CCDC51: variants seen among roughly 807,000 people sequenced by gnomAD.
The protein encoded by CCDC51 is mitochondrial potassium channel.
A neutral mutation model predicts 24.8 loss-of-function variants in CCDC51; 25 were observed. The observed-to-expected ratio is 1.01, with a 90% CI of 0.73 to 1.41. The LOEUF (loss-of-function observed/expected upper bound fraction) is 1.41, where lower values mean the gene tolerates loss of function less well. Among genes scored for constraint, CCDC51 ranks in the 40% most tolerant of loss-of-function variants. The pLI is 0.00. For synonymous variants in CCDC51, 190 were observed against 204.3 expected (o/e 0.93, Z 0.60); for missense variants, 466 against 519.1 (o/e 0.90, Z 0.99).
In CCDC51 at chr3:48,433,931, T is replaced by G; in HGVS notation, c.313-60A>C. The G allele has an allele frequency of 3.2e-6, 5 of 1,570,322 alleles. No individual in the cohort carries two copies. The highest frequency in any genetic ancestry group is 4.3e-6 in the Non-Finnish European group (5 of 1,157,400). ...CTCTCCACACCCACACAGGCTCAGC[T>G]GCATTCCCAGCAAGGCATTCCCAGA... On this transcript the variant is annotated intron_variant, in intron 2 of 3. Transcript: ENST00000395694. This position sits in a 1 kb window ranked among gnomAD's most constrained non-coding sequence, Gnocchi z 4.4.
At chr3:48,443,831 C>T (rs757520801), upstream of CCDC51, 1 of 1,557,888 alleles carries the variant, frequency 6.4e-7, no homozygotes, top group South Asian at 1.2e-5. Context: ...CTAATTGTGA[C>T]TATTTTTCTT....
chr3:48,440,866 C>T, upstream of CCDC51: 1 of 582,766 alleles, frequency 1.7e-6, no homozygotes, highest in Non-Finnish European at 3.1e-6. Context: ...GGAAGAGCTG[C>T]AGAAACGGAA....
upstream of CCDC51, among the ~76,000 whole-genome samples, chr3:48,441,585 T>A (rs1383211687): frequency 6.6e-6 from 1 of 152,138 alleles, no homozygotes; most frequent in Non-Finnish European, 1.5e-5. Context: ...AAAGATAAAG[T>A]CCAGGCTCTT....
chr3:48,446,224 A>T, the CCDC51 span: 1 of 152,288 alleles, frequency 6.6e-6, no homozygotes, highest in African/African-American at 2.4e-5. Flanking sequence ...TCCAAACATC[A>T]TTCCTCCTTG....
At chr3:48,436,907 A>T (rs1185591579) in intron 1 of CCDC51, among the ~76,000 whole-genome samples, 1 of 152,108 alleles carries the variant, frequency 6.6e-6, no homozygotes, top group Non-Finnish European at 1.5e-5. Context: ...ATGGCAGCCC[A>T]AGGCCCTGTA....
rs2039252252 is a variant in CCDC51 at position 48,433,484 on chromosome 3, C to T, written c.477+223G>A. Among the ~76,000 whole-genome samples the T allele has an allele frequency of 6.6e-6, 1 of 152,188 alleles. No homozygotes were observed. Among genetic ancestry groups the T allele is most frequent in the South Asian group, 2.1e-4 (1 of 4,838 alleles). On this transcript the variant is annotated intron_variant, in intron 3 of 3. Transcript: ENST00000395694. This position sits in a 1 kb window ranked among gnomAD's most constrained non-coding sequence, Gnocchi z 4.4. ...GTTCTCCTTCCTCAGCATTCTGAGT[C>T]CCAGGCTACGCTGCCCTGAAGAGTT...
At chr3:48,439,735 T>A (rs946949962) in intron 1 of CCDC51, among the ~76,000 whole-genome samples, 5 of 152,236 alleles carry the variant, frequency 3.3e-5, no homozygotes, top group Non-Finnish European at 7.3e-5. Flanking sequence ...CAGAGTTGTA[T>A]GGCCATCACC....
chr3:48,434,699 C>T (rs907490507), intron 2 of CCDC51, 118 bp downstream of exon 2: 1 of 930,078 alleles, frequency 1.1e-6, no homozygotes, highest in Non-Finnish European at 1.6e-6. Flanking sequence ...GCCCAGGTTT[C>T]CACGTGAGAA....
At chr3:48,443,481 C>T (rs2039612428), upstream of CCDC51, among the ~76,000 whole-genome samples, 1 of 151,354 alleles carries the variant, frequency 6.6e-6, no homozygotes, top group Non-Finnish European at 1.5e-5. Context: ...TTGCAGTGAG[C>T]TGAGATCGTG....
chr3:48,443,113 G>A (rs1404832330), upstream of CCDC51, among the ~76,000 whole-genome samples: 1 of 151,540 alleles, frequency 6.6e-6, no homozygotes, highest in East Asian at 1.9e-4. Flanking sequence ...GGTGGCATGC[G>A]CCTTTAGTCC....
rs149306159 is a variant in CCDC51 at position 48,433,943 on chromosome 3, A to G, written c.313-72T>C. ...ACACAGGCTCAGCTGCATTCCCAGC[A>G]AGGCATTCCCAGAAGAGGTCACTGG... On this transcript the variant is annotated intron_variant, in intron 2 of 3. Transcript: ENST00000395694. The surrounding 1 kb of genome is among the most constrained non-coding windows in gnomAD (Gnocchi z 4.4). The G allele has an allele frequency of 0.98, 1,516,775 of 1,548,824 alleles. 742,778 individuals are homozygous for G. Among genetic ancestry groups the G allele is most frequent in the East Asian group, 1 (44,095 of 44,098 alleles).
chr3:48,434,046 C>T, intron 2 of CCDC51, 175 bp from the exon 3 acceptor site: 1 of 1,357,364 alleles, frequency 7.4e-7, no homozygotes, highest in African/African-American at 1.5e-5. Flanking sequence ...AAAGTGCAGC[C>T]TTGGGCCACA....
chr3:48,439,943 G>C (rs2039506103), intron 1 of CCDC51, 45 bp downstream of exon 1: 11 of 372,462 alleles, frequency 3.0e-5, no homozygotes, highest in Admixed American at 1.7e-4. Flanking sequence ...CCAGGAAAGC[G>C]ACGAGCTTGA....
At chr3:48,440,247 C>G, upstream of CCDC51, 1 of 1,568,340 alleles carries the variant, frequency 6.4e-7, no homozygotes, top group Non-Finnish European at 8.6e-7. Flanking sequence ...AAGGGTGGGG[C>G]AGACGCTCCG....
upstream of CCDC51, chr3:48,441,147 C>G (rs2039553631): frequency 6.5e-6 from 1 of 153,954 alleles, no homozygotes; most frequent in African/African-American, 2.4e-5. Context: ...TCCCAAGTAG[C>G]TGGGATTACA....
Position 48,432,972 on chromosome 3 carries a change from A to C in CCDC51, c.672T>G (p.Arg224=), listed in dbSNP as rs1403462100. 6.2e-7 allele frequency: 1 copy of C among 1,614,006 alleles called. No individual in the cohort carries two copies. The highest frequency in any genetic ancestry group is 1.3e-5 in the African/African-American group (1 of 74,918). The change falls in exon 4 of 4, where the codon CGT becomes CGG. Residue 224 remains arginine, a synonymous_variant. Coordinates refer to ENST00000395694, the MANE Select transcript of CCDC51 (RefSeq NM_001256964.2). ...AAGCCTTCAGCTCCTGTAGTCGCACACGGTTCACATAGGTGGAGCCAGCCA... is the reference window on the plus strand; with the variant it reads ...AAGCCTTCAGCTCCTGTAGTCGCACCCGGTTCACATAGGTGGAGCCAGCCA... ...IGVAGSTYVN[R]VRLQELKALL...
At chr3:48,441,750 A>C (rs2039575049), upstream of CCDC51, among the ~76,000 whole-genome samples, 1 of 152,202 alleles carries the variant, frequency 6.6e-6, no homozygotes, top group Admixed American at 6.5e-5. Context: ...CATTGATCCA[A>C]CTAGTGATTA....
Position 48,440,074 on chromosome 3 carries a change from G to A in CCDC51, c.-95C>T, listed in dbSNP as rs958405411. 1.4e-6 allele frequency: 1 copy of A among 720,886 alleles called. No individual in the cohort carries two copies. Among genetic ancestry groups the A allele is most frequent in the Admixed American group, 3.1e-5 (1 of 31,888 alleles). The allele number at this position is 720,886 out of a possible 1,614,324, so 44.7% of individuals were successfully genotyped here. The stretch of plus-strand genomic sequence containing the variant: ...CTACGGTTCCGATTCTACCCTGGCA[G>A]GACAACCCTAGCTCCTCGTACCTGG... On this transcript the variant is annotated 5_prime_UTR_variant, in exon 1 of 4. Coordinates refer to ENST00000395694, the MANE Select transcript of CCDC51 (RefSeq NM_001256964.2).
At chr3:48,440,166 C>A, upstream of CCDC51, 4 of 1,450,688 alleles carry the variant, frequency 2.8e-6, no homozygotes, top group South Asian at 4.2e-5. Flanking sequence ...CCTGGAGCGC[C>A]GCATCCGGTA....
Sources: gnomAD v4.1 joint callset for allele counts (sites outside exome capture counted in the v4.1 genomes callset) on GRCh38, gnomAD v4.1.1 for gene constraint, Gnocchi (gnomAD v3.1) non-coding constraint, MANE v1.5 for transcripts, NCBI Gene and HGNC (gene_info 2026-07-23, HGNC 2026-07-21) for gene names.